The following MARCHF1 variants were observed in gnomAD, a reference collection of about 807,000 sequenced individuals.
MARCHF1 encodes membrane associated ring-CH-type finger 1.
In MARCHF1, 40 loss-of-function variants were observed where a neutral mutation model predicts 54.2. The ratio of observed to expected loss-of-function variants is 0.74; its 90% CI spans 0.57 to 0.96. The LOEUF (loss-of-function observed/expected upper bound fraction) is 0.96, where lower values mean the gene tolerates loss of function less well. Ranked by LOEUF, MARCHF1 falls within the 40% of genes least tolerant of loss-of-function variation. The pLI, the probability that MARCHF1 is intolerant of heterozygous loss-of-function variation, is 0.00. For missense variants in MARCHF1, 586 were observed against 656.5 expected (o/e 0.89, Z 1.17); for synonymous variants, 236 against 236.3 (o/e 1.00, Z 0.01).
chr4:164,118,298 C>CA (rs1353430018), intron 1 of MARCHF1, among the ~76,000 whole-genome samples: 3 of 150,896 alleles, frequency 2.0e-5, no homozygotes, highest in South Asian at 2.1e-4. Context: ...TTGGGGATTA[C>CA]AAAAAATCTT....
intron 5 of MARCHF1, among the ~76,000 whole-genome samples, chr4:163,636,666 C>G (rs1742338912): frequency 6.6e-6 from 1 of 151,958 alleles, no homozygotes; most frequent in African/African-American, 2.4e-5. Context: ...AATGGCCATA[C>G]TGCCCAAGGT....
chr4:164,335,724 A>G (rs1729719577), intron 1 of MARCHF1, among the ~76,000 whole-genome samples: 1 of 152,130 alleles, frequency 6.6e-6, no homozygotes, highest in Non-Finnish European at 1.5e-5. Context: ...GGCCCAGATG[A>G]TCATGAGCAT....
intron 3 of MARCHF1, among the ~76,000 whole-genome samples, chr4:163,936,226 A>T (rs749387104): frequency 2.0e-5 from 3 of 152,140 alleles, no homozygotes; most frequent in Non-Finnish European, 4.4e-5. Flanking sequence ...TCACCATACC[A>T]AATATAATAA....
chr4:163,664,036 T>G (rs531087950), intron 5 of MARCHF1, among the ~76,000 whole-genome samples: 46 of 152,096 alleles, frequency 3.0e-4, no homozygotes, highest in African/African-American at 1.1e-3. Context: ...GGTTGGACAC[T>G]GAAAAATAAA....
chr4:164,084,361 T>C (rs758922467), intron 2 of MARCHF1, among the ~76,000 whole-genome samples: 27 of 152,052 alleles, frequency 1.8e-4, no homozygotes, highest in South Asian at 1.0e-3. Context: ...ACATAATAAA[T>C]ATTTGGTGAA....
intron 5 of MARCHF1, among the ~76,000 whole-genome samples, chr4:163,619,480 C>T (rs1031924587): frequency 6.6e-6 from 1 of 151,962 alleles, no homozygotes; most frequent in Non-Finnish European, 1.5e-5. Flanking sequence ...TCAGTAGGAT[C>T]CAGAAATGAG....
intron 2 of MARCHF1, among the ~76,000 whole-genome samples, chr4:164,021,058 C>A (rs1753651373): frequency 6.9e-6 from 1 of 145,540 alleles, no homozygotes; most frequent in African/African-American, 2.5e-5. Context: ...GAGGGATATT[C>A]CCTCCAATCC....
At chr4:163,705,459 C>T (rs1196602078) in intron 4 of MARCHF1, among the ~76,000 whole-genome samples, 2 of 151,876 alleles carry the variant, frequency 1.3e-5, no homozygotes, top group Non-Finnish European at 2.9e-5. Flanking sequence ...GATACATGAG[C>T]AGTGTATCAC....
intron 7 of MARCHF1, among the ~76,000 whole-genome samples, chr4:163,600,950 C>T (rs1034072934): frequency 3.9e-5 from 6 of 152,162 alleles, no homozygotes; most frequent in Non-Finnish European, 8.8e-5. Flanking sequence ...AGAACTAACA[C>T]GCTCCTGGAG....
intron 1 of MARCHF1, among the ~76,000 whole-genome samples, chr4:164,209,410 T>C (rs958283118): frequency 2.6e-5 from 4 of 152,182 alleles, no homozygotes; most frequent in Admixed American, 1.3e-4. Flanking sequence ...AATCTTCTCA[T>C]AGTACACTGG....
chr4:164,186,802 G>T (rs1730982225), intron 1 of MARCHF1, among the ~76,000 whole-genome samples: 1 of 152,106 alleles, frequency 6.6e-6, no homozygotes, highest in South Asian at 2.1e-4. Flanking sequence ...GTAATATAAT[G>T]GTTATTCTTA....
chr4:163,633,956 A>G (rs528191035), intron 5 of MARCHF1, among the ~76,000 whole-genome samples: 29 of 152,266 alleles, frequency 1.9e-4, no homozygotes, highest in African/African-American at 6.7e-4. Flanking sequence ...ATTCTTAAAG[A>G]AAAGAATTTT....
At chr4:163,764,745 G>A (rs1047112780) in intron 4 of MARCHF1, among the ~76,000 whole-genome samples, 3 of 152,054 alleles carry the variant, frequency 2.0e-5, no homozygotes, top group South Asian at 2.1e-4. Flanking sequence ...CAGCAAAGGA[G>A]TATGACTAGT....
rs1437157489 is a variant in MARCHF1, at chr4:164,176,998, A to ATTTGTG, written c.-322-65337_-322-65336insCACAAA. ...TCTCTCTCTATATATATATATATATATATATATATATACAAATGATAGAAT... is the reference window on the plus strand; with the variant it reads ...TCTCTCTCTATATATATATATATATATTTGTGTATATATATATACAAATGATAGAAT... On this transcript the variant is annotated intron_variant, in intron 1 of 9. Transcript: ENST00000514618. Among the ~76,000 whole-genome samples, 3 of 90,846 alleles carry ATTTGTG rather than the reference A, an allele frequency of 3.3e-5. No homozygotes were observed. In the East Asian group the frequency reaches 9.2e-4, roughly 28 times the overall value. 59.6% of individuals were successfully genotyped at this position (90,846 alleles called of 152,430 possible).
At chr4:163,998,141 G>A (rs971503678) in intron 2 of MARCHF1, among the ~76,000 whole-genome samples, 1 of 151,018 alleles carries the variant, frequency 6.6e-6, no homozygotes, top group Non-Finnish European at 1.5e-5. Flanking sequence ...ATAAGCTATT[G>A]AATATTTAAA....
chr4:164,332,492 C>G (rs1011442210), intron 1 of MARCHF1, among the ~76,000 whole-genome samples: 1 of 152,160 alleles, frequency 6.6e-6, no homozygotes, highest in South Asian at 2.1e-4. Context: ...GGTGTGATAG[C>G]AGGCAGTACT....
At chr4:164,051,794 A>G (rs1754373966) in intron 2 of MARCHF1, among the ~76,000 whole-genome samples, 2 of 152,224 alleles carry the variant, frequency 1.3e-5, no homozygotes, top group African/African-American at 2.4e-5. Flanking sequence ...CACTGGCACT[A>G]CAGAAGTCTT....
At chr4:164,103,012 C>G (rs917924242) in intron 2 of MARCHF1, among the ~76,000 whole-genome samples, 2 of 125,114 alleles carry the variant, frequency 1.6e-5, no homozygotes, top group Non-Finnish European at 3.4e-5. Context: ...TCAAAAGAGA[C>G]AAAGAAGGCC....
chr4:164,143,939 A>G (rs1040023981), intron 1 of MARCHF1, among the ~76,000 whole-genome samples: 2 of 152,338 alleles, frequency 1.3e-5, no homozygotes, highest in African/African-American at 2.4e-5. Flanking sequence ...TCTCACGTGC[A>G]GAGACACACA....
Sources: gnomAD v4.1 joint callset for allele counts (sites outside exome capture counted in the v4.1 genomes callset) on GRCh38, gnomAD v4.1.1 for gene constraint, MANE v1.5 for transcripts, NCBI Gene and HGNC (gene_info 2026-07-23, HGNC 2026-07-21) for gene names.